The following PRCP variants were observed in gnomAD, a reference collection of about 807,000 sequenced individuals.
The protein encoded by PRCP is prolylcarboxypeptidase.
Under a neutral mutation model 54.2 loss-of-function variants are expected in PRCP, and 46 were observed. The ratio of observed to expected loss-of-function variants is 0.85; its 90% CI spans 0.67 to 1.09. The LOEUF is 1.09. Ranked by LOEUF, PRCP falls within the 50% of genes least tolerant of loss-of-function variation. The pLI is 0.00. For missense variants in PRCP, 613 were observed against 596.8 expected, an observed-to-expected ratio of 1.03 and a Z score of -0.28; for synonymous variants, 240 against 212.2, an observed-to-expected ratio of 1.13 and a Z score of -1.14.
chr11:82,840,874 T>C (rs889397347), intron 6 of PRCP: 2 of 151,936 alleles, frequency 1.3e-5, no homozygotes, highest in African/African-American at 4.8e-5. Flanking sequence ...CCCAGCTGTC[T>C]CTGGTTATGA....
chr11:82,835,029 A>G (rs1034542902), intron 8 of PRCP, among the ~76,000 whole-genome samples: 1 of 152,184 alleles, frequency 6.6e-6, no homozygotes, highest in Admixed American at 6.5e-5. Flanking sequence ...ATGCCATTGC[A>G]CTTCAGCCTG....
At chr11:82,893,062 A>G (rs192038975) in intron 1 of PRCP, among the ~76,000 whole-genome samples, 4 of 152,300 alleles carry the variant, frequency 2.6e-5, no homozygotes, top group Admixed American at 2.6e-4. Flanking sequence ...TTGTCTCCCT[A>G]CCCTGTGATT....
intron 1 of PRCP, among the ~76,000 whole-genome samples, chr11:82,883,120 T>C (rs1859790635): frequency 6.6e-6 from 1 of 152,022 alleles, no homozygotes; most frequent in Non-Finnish European, 1.5e-5. Context: ...ATGGGTGGAG[T>C]CCTAGCACTC....
intron 8 of PRCP, chr11:82,826,883 G>C (rs1858249224): frequency 6.6e-6 from 1 of 152,142 alleles, no homozygotes; most frequent in African/African-American, 2.4e-5. Flanking sequence ...TTTGGGATCA[G>C]ACACACTTTG....
At chr11:82,899,006 A>G (rs1860185650) in intron 1 of PRCP, among the ~76,000 whole-genome samples, 1 of 151,736 alleles carries the variant, frequency 6.6e-6, no homozygotes, top group African/African-American at 2.4e-5. Flanking sequence ...AAATTTTTAA[A>G]TTATTTCTAA....
intron 4 of PRCP, 78 bp downstream of exon 4, chr11:82,850,246 T>G (rs1021878310): frequency 6.9e-6 from 9 of 1,310,830 alleles, no homozygotes; most frequent in Non-Finnish European, 8.0e-6. Flanking sequence ...GCATGGAACA[T>G]GTTTTACCCA....
intron 1 of PRCP, among the ~76,000 whole-genome samples, chr11:82,886,981 G>T (rs976670335): frequency 6.6e-6 from 1 of 152,178 alleles, no homozygotes; most frequent in Admixed American, 6.5e-5. Context: ...TGACCTCACA[G>T]TGTTGGAAGC....
At chr11:82,898,962 T>A (rs1206456983) in intron 1 of PRCP, among the ~76,000 whole-genome samples, 1 of 151,772 alleles carries the variant, frequency 6.6e-6, no homozygotes, top group African/African-American at 2.4e-5. Context: ...CTAGGCAAGA[T>A]GACAAAATCC....
At chr11:82,854,352 T>TA (rs1226038986) in intron 2 of PRCP, among the ~76,000 whole-genome samples, 3 of 152,106 alleles carry the variant, frequency 2.0e-5, no homozygotes, top group Non-Finnish European at 4.4e-5. Flanking sequence ...CATGTCTATA[T>TA]ACCAATAACA....
At chr11:82,836,730 T>C (rs1257583747) in intron 8 of PRCP, 1 of 225,490 alleles carries the variant, frequency 4.4e-6, no homozygotes, top group Non-Finnish European at 8.9e-6. Context: ...ATATATTTTG[T>C]AGAGATGGGG....
In PRCP at chr11:82,839,188, C is replaced by T; in HGVS notation, c.1086+73G>A. ...AGGTTAGGTGACAAAATCTTGTGTACCCTGATTTTTTTTTACAGCACAACT... is the reference window on the plus strand; with the variant it reads ...AGGTTAGGTGACAAAATCTTGTGTATCCTGATTTTTTTTTACAGCACAACT... On this transcript the variant is annotated intron_variant, in intron 7 of 8. Coordinates refer to ENST00000313010, the MANE Select transcript of PRCP (RefSeq NM_005040.4). 6 of 1,495,210 alleles carry T rather than the reference C, an allele frequency of 4.0e-6. No individual in the cohort carries two copies. In the South Asian group the frequency reaches 6.4e-5, roughly 16 times the overall value. 92.6% of individuals were successfully genotyped at this position (1,495,210 alleles called of 1,614,324 possible).
intron 1 of PRCP, among the ~76,000 whole-genome samples, chr11:82,887,067 T>C (rs138127598): frequency 6.6e-6 from 1 of 152,354 alleles, no homozygotes; most frequent in East Asian, 1.9e-4. Context: ...CAACACAGCC[T>C]GGTCTTTCCT....
At chr11:82,872,639 C>T (rs1859506152) in intron 1 of PRCP, among the ~76,000 whole-genome samples, 2 of 152,220 alleles carry the variant, frequency 1.3e-5, no homozygotes, top group South Asian at 4.1e-4. Flanking sequence ...AGACCAGACT[C>T]TTCCCCGGAG....
chr11:82,862,125 C>T (rs1859219548), intron 1 of PRCP, among the ~76,000 whole-genome samples: 1 of 151,868 alleles, frequency 6.6e-6, no homozygotes, highest in Non-Finnish European at 1.5e-5. Flanking sequence ...GCTTCTGGTC[C>T]TAAGCATTTC....
intron 6 of PRCP, among the ~76,000 whole-genome samples, chr11:82,843,481 T>C (rs1279386577): frequency 6.6e-6 from 1 of 152,216 alleles, no homozygotes. Context: ...TATAATACTT[T>C]AGCTTAACCC....
intron 2 of PRCP, among the ~76,000 whole-genome samples, chr11:82,859,052 A>G (rs1394066579): frequency 6.6e-6 from 1 of 152,248 alleles, no homozygotes. Context: ...TGTGCCAGAC[A>G]CTGGCATTAG....
intron 1 of PRCP, among the ~76,000 whole-genome samples, chr11:82,868,621 A>G (rs966131115): frequency 6.6e-6 from 1 of 152,242 alleles, no homozygotes; most frequent in South Asian, 2.1e-4. Flanking sequence ...ACAAAAGAGC[A>G]TTTCAAGCAA....
intron 1 of PRCP, 66 bp from the exon 2 acceptor site, chr11:82,860,183 A>G (rs1414240996): frequency 8.8e-7 from 1 of 1,135,644 alleles, no homozygotes; most frequent in Non-Finnish European, 1.2e-6. Context: ...ACATAAAGGT[A>G]ATTAATTCTT....
chr11:82,854,358 T>C (rs1319867063), intron 2 of PRCP, among the ~76,000 whole-genome samples: 2 of 152,046 alleles, frequency 1.3e-5, no homozygotes, highest in African/African-American at 4.8e-5. Flanking sequence ...TATATACCAA[T>C]AACAATCAAG....
Sources: allele counts gnomAD v4.1 joint callset (sites outside exome capture counted in the v4.1 genomes callset), GRCh38; gene constraint gnomAD v4.1.1; transcripts MANE v1.5; gene names NCBI Gene and HGNC (gene_info 2026-07-23, HGNC 2026-07-21).